The following ITCH variants were observed in gnomAD, a reference collection of about 807,000 sequenced individuals.
ITCH encodes the protein itchy E3 ubiquitin protein ligase.
Under a neutral mutation model 126.8 loss-of-function variants are expected in ITCH, and 28 were observed. The observed-to-expected ratio is 0.22, with a 90% CI of 0.16 to 0.30. The LOEUF (loss-of-function observed/expected upper bound fraction) is 0.30. ITCH is among the 10% of genes least tolerant of loss of function. The pLI is 1.00. For synonymous variants in ITCH, 342 were observed against 340.0 expected (o/e 1.01, Z -0.06); for missense variants, 631 against 1,032.4 (o/e 0.61, Z 5.33).
chr20:34,442,410 C>G, intron 10 of ITCH, 107 bp downstream of exon 10: 1 of 801,970 alleles, frequency 1.2e-6, no homozygotes, highest in Admixed American at 2.1e-5. Flanking sequence ...TCAGCCCTTT[C>G]TCTGTCCACT....
Position 34,455,435 on chromosome 20 carries a change from C to G in ITCH, c.1211-1955C>G, listed in dbSNP as rs543973572. 1.3e-4 allele frequency among the ~76,000 whole-genome samples: 19 copies of G among 151,526 alleles called. No individual in the cohort carries two copies. In the East Asian group the frequency reaches 3.7e-3, roughly 29 times the overall value. ...CAGCAGAACTGTTAAAATTTCAAGT[C>G]TACTTAATTTGTTTACTAAAAGAGA... On this transcript the variant is annotated intron_variant, in intron 12 of 24. Coordinates refer to ENST00000374864, the MANE Select transcript of ITCH (RefSeq NM_031483.7).
At position 34,462,022 on chromosome 20, in the gene ITCH, T is replaced by C; in HGVS notation, c.1296-71T>C. ...GATTTCTGCTATGTTTATTGACATT[T>C]GTAGCTTCTGTACTTGGCAAACAAG... On this transcript the variant is annotated intron_variant, in intron 13 of 24. Transcript: ENST00000374864. 2.1e-6 allele frequency: 3 copies of C among 1,453,504 alleles called. No individual in the cohort carries two copies. In the South Asian group the frequency reaches 3.4e-5, roughly 17 times the overall value. The allele number at this position is 1,453,504 out of a possible 1,614,324, so 90.0% of individuals were successfully genotyped here.
At chr20:34,437,745 A>C (rs1208629165) in intron 7 of ITCH, among the ~76,000 whole-genome samples, 3 of 152,184 alleles carry the variant, frequency 2.0e-5, no homozygotes, top group African/African-American at 7.2e-5. Context: ...CTGGCTACTT[A>C]TGCCCTTGTT....
chr20:34,390,140 T>G (rs1478507646), intron 2 of ITCH, among the ~76,000 whole-genome samples: 1 of 151,548 alleles, frequency 6.6e-6, no homozygotes, highest in Admixed American at 6.6e-5. Flanking sequence ...AGAAAAAAAT[T>G]GGTTAGCATG....
chr20:34,372,606 T>G (rs1365595779), intron 2 of ITCH, among the ~76,000 whole-genome samples: 1 of 151,956 alleles, frequency 6.6e-6, no homozygotes, highest in Non-Finnish European at 1.5e-5. Context: ...GGTCTCGATC[T>G]CCTGACCTCG....
chr20:34,475,085 TC>T (rs1364722710), intron 16 of ITCH, among the ~76,000 whole-genome samples: 3 of 149,286 alleles, frequency 2.0e-5, no homozygotes, highest in Admixed American at 6.6e-5. Context: ...GCTCCTCACT[TC>T]CTAGATGTGA....
At chr20:34,499,130 A>G (rs1329458798) in intron 23 of ITCH, among the ~76,000 whole-genome samples, 2 of 151,418 alleles carry the variant, frequency 1.3e-5, no homozygotes, top group African/African-American at 2.4e-5. Context: ...GCCTGCCACC[A>G]TGCTCGGCTA....
intron 2 of ITCH, among the ~76,000 whole-genome samples, chr20:34,376,898 T>C (rs911921625): frequency 6.6e-5 from 10 of 152,130 alleles, no homozygotes; most frequent in South Asian, 2.1e-4. Flanking sequence ...AGGGCCAATT[T>C]TGAAAGCTTT....
At chr20:34,453,894 T>C (rs1300997972) in intron 12 of ITCH, among the ~76,000 whole-genome samples, 1 of 151,414 alleles carries the variant, frequency 6.6e-6, no homozygotes, top group Non-Finnish European at 1.5e-5. Flanking sequence ...TTTGGGAGGC[T>C]GAGGCAGGAG....
chr20:34,439,404 C>G (rs151214740), intron 8 of ITCH, among the ~76,000 whole-genome samples: 32 of 152,262 alleles, frequency 2.1e-4, no homozygotes, highest in African/African-American at 7.7e-4. Flanking sequence ...TCCCGAGTAG[C>G]TGGTACCACA....
rs554362667 is a variant in ITCH at position 34,462,000 on chromosome 20, T to C, written c.1296-93T>C. On this transcript the variant is annotated intron_variant, in intron 13 of 24. Transcript: ENST00000374864. The stretch of plus-strand genomic sequence containing the variant: ...TGAACTGAATGGTTTTCTAAAAGAT[T>C]TCTGCTATGTTTATTGACATTTGTA... 289 of 1,262,216 alleles carry C rather than the reference T, an allele frequency of 2.3e-4. 2 individuals are homozygous for C. In the African/African-American group the frequency reaches 3.9e-3, roughly 17 times the overall value. The allele number at this position is 1,262,216 out of a possible 1,614,324, so 78.2% of individuals were successfully genotyped here.
rs539049941 is a variant in ITCH at position 34,438,475 on chromosome 20, G to A, written c.523G>A (p.Val175Met). Residue 175 changes from valine (V) to methionine (M), a missense_variant and splice_region_variant, in exon 8 of 25, where the codon GTG becomes ATG. Around this residue, in one of 4 missense-constraint regions of ITCH, gnomAD observed 220 missense variants for 265.7 expected, o/e 0.83. Coordinates refer to ENST00000374864, the MANE Select transcript of ITCH (RefSeq NM_031483.7). ...DGSRSKDETR[V>M]STNGSDDPED... Reference sequence around the variant, plus strand: ...TCCTTTTCCCCTCTTCTTACCCAGAGTGAGCACAAATGGATCAGATGACCC... The same window carrying A: ...TCCTTTTCCCCTCTTCTTACCCAGAATGAGCACAAATGGATCAGATGACCC... 120 of 1,613,734 alleles carry A rather than the reference G, an allele frequency of 7.4e-5. No individual in the cohort carries two copies. Among genetic ancestry groups the A allele is most frequent in the Non-Finnish European group, 9.2e-5 (109 of 1,179,944 alleles).
At chr20:34,445,258 T>C (rs1053850550) in intron 10 of ITCH, 29 bp from the exon 11 acceptor site, 19 of 1,545,852 alleles carry the variant, frequency 1.2e-5, no homozygotes, top group Non-Finnish European at 1.5e-5. Context: ...TTGAATTAGC[T>C]TGTTTTTTTT....
chr20:34,455,774 G>A (rs749348783), intron 12 of ITCH, among the ~76,000 whole-genome samples: 12 of 151,802 alleles, frequency 7.9e-5, no homozygotes, highest in Non-Finnish European at 1.5e-4. Flanking sequence ...TACTGCGCCC[G>A]GCCAATATCC....
intron 17 of ITCH, among the ~76,000 whole-genome samples, chr20:34,478,672 G>C (rs1194447136): frequency 6.6e-6 from 1 of 152,154 alleles, no homozygotes; most frequent in South Asian, 2.1e-4. Context: ...TAATGACCTA[G>C]TTCAGAGCCT....
At chr20:34,431,319 G>A (rs562021606) in intron 7 of ITCH, among the ~76,000 whole-genome samples, 6 of 152,120 alleles carry the variant, frequency 3.9e-5, no homozygotes, top group Admixed American at 2.6e-4. Flanking sequence ...AGGCTAAGGC[G>A]GGAGGATCCC....
chr20:34,404,513 G>A (rs959328343), intron 3 of ITCH, among the ~76,000 whole-genome samples: 5 of 147,440 alleles, frequency 3.4e-5, no homozygotes, highest in African/African-American at 1.0e-4. Flanking sequence ...TCTGCCTCCC[G>A]GGTTGCAGTG....
intron 16 of ITCH, among the ~76,000 whole-genome samples, chr20:34,472,537 T>C (rs1987747549): frequency 6.6e-6 from 1 of 152,220 alleles, no homozygotes; most frequent in South Asian, 2.1e-4. Flanking sequence ...ATCTGGTTAG[T>C]CCTTGTTTTA....
At chr20:34,480,850 T>A in intron 19 of ITCH, 118 bp downstream of exon 19, 1 of 1,003,920 alleles carries the variant, frequency 1.0e-6, no homozygotes, top group Non-Finnish European at 1.5e-6. Context: ...ATGATCTATA[T>A]ATCAAACCTG....
Sources: gnomAD v4.1 joint callset for allele counts (sites outside exome capture counted in the v4.1 genomes callset) on GRCh38, gnomAD v4.1.1 for gene constraint, gnomAD v4.1.1 regional missense constraint, MANE v1.5 for transcripts, NCBI Gene and HGNC (gene_info 2026-07-23, HGNC 2026-07-21) for gene names.